Variants in ZAR1L observed in about 807,000 individuals in gnomAD.
ZAR1L encodes zygote arrest 1 like.
ZAR1L carries 16 observed loss-of-function variants against 30.0 expected under a neutral mutation model. That is an observed-to-expected ratio of 0.53 (90% CI 0.36 to 0.81). ZAR1L has a LOEUF of 0.81. ZAR1L is among the 30% of genes least tolerant of loss of function. The pLI is 0.00. For missense variants in ZAR1L, 392 were observed against 417.2 expected (o/e 0.94, Z 0.53); for synonymous variants, 197 against 166.8 (o/e 1.18, Z -1.40).
intron 4 of ZAR1L, among the ~76,000 whole-genome samples, chr13:32,310,219 A>G (rs1271648685): frequency 6.6e-6 from 1 of 152,282 alleles, no homozygotes; most frequent in African/African-American, 2.4e-5. Flanking sequence ...AGGGGGCAAA[A>G]GAAACTTTAG....
At position 32,311,697 on chromosome 13, in the gene ZAR1L, G is replaced by A. The variant is rs2072215112; in HGVS notation, c.229C>T (p.Pro77Ser). The A allele has an allele frequency of 1.3e-6, 2 of 1,551,604 alleles. No homozygotes were observed. Among genetic ancestry groups the A allele is most frequent in the Non-Finnish European group, 1.7e-6 (2 of 1,147,028 alleles). ...TTGCACAGCCGCGGGCTCAGGCTGGGGTTCATCTGGGAGAGAATGGCCTTA... is the reference window on the plus strand; with the variant it reads ...TTGCACAGCCGCGGGCTCAGGCTGGAGTTCATCTGGGAGAGAATGGCCTTA... ...QLKAILSQMN[P>S]SLSPRLCKPN... The change falls in exon 3 of 6, where the codon CCC becomes TCC. Residue 77 changes from proline (P) to serine (S), a missense_variant. Pro to Ser is a moderately conservative substitution (Grantham distance 74). Transcript: ENST00000533490.
intron 1 of ZAR1L, among the ~76,000 whole-genome samples, 194 bp from the exon 2 acceptor site, chr13:32,314,744 C>T (rs1428058279): frequency 6.6e-6 from 1 of 152,006 alleles, no homozygotes; most frequent in Non-Finnish European, 1.5e-5. Flanking sequence ...CCCAGCTACT[C>T]GGGAGGCTGA....
At chr13:32,313,249 G>A (rs2072226946) in intron 2 of ZAR1L, among the ~76,000 whole-genome samples, 2 of 152,202 alleles carry the variant, frequency 1.3e-5, no homozygotes, top group African/African-American at 4.8e-5. Flanking sequence ...AGGTAATTAT[G>A]TGAACAGATG....
intron 3 of ZAR1L, 89 bp from the exon 4 acceptor site, chr13:32,310,820 T>C: frequency 1.2e-6 from 1 of 850,394 alleles, no homozygotes; most frequent in Admixed American, 2.3e-5. Flanking sequence ...GAAAAAAAAA[T>C]GACTTCTTTA....
rs57362189 is a variant in ZAR1L, at chr13:32,308,700, C to T, written c.808G>A (p.Ala270Thr). 6.4e-7 allele frequency: 1 copy of T among 1,550,816 alleles called. No homozygotes were observed. The highest frequency in any genetic ancestry group is 8.7e-7 in the Non-Finnish European group (1 of 1,146,532). The change falls in exon 5 of 6, where the codon GCA becomes ACA. Residue 270 changes from alanine (A) to threonine (T), a missense_variant. By Grantham distance (58) the Ala-to-Thr change is moderately conservative. Transcript: ENST00000533490. ...QKSFNPYRVE[A>T]IQCQTCSKSH... ...CATATGCTCACCTGACATTGGATTG[C>T]TTCTACTCGATAAGGGTTAAAACTC...
At chr13:32,304,067 G>A in intron 5 of ZAR1L, 45 bp from the exon 6 acceptor site, 1 of 1,529,004 alleles carries the variant, frequency 6.5e-7, no homozygotes, top group Non-Finnish European at 8.8e-7. Context: ...GATCAGTTTA[G>A]TGTTTCAAAT....
At chr13:32,310,247 T>C (rs1193480847) in intron 4 of ZAR1L, among the ~76,000 whole-genome samples, 2 of 152,242 alleles carry the variant, frequency 1.3e-5, no homozygotes, top group African/African-American at 2.4e-5. Flanking sequence ...CTAAGTCTCT[T>C]ACAGGCAAAT....
At position 32,308,774 on chromosome 13, in the gene ZAR1L, TG is replaced by T. The variant is rs967212921; in HGVS notation, c.748-15del. ...TTTGAAATAAACCTAAAGAGAAATA[TG>T]TTTTTTTTTAATACAAGCTTTTATA... On this transcript the variant is annotated splice_polypyrimidine_tract_variant and intron_variant, in intron 4 of 5. Coordinates refer to ENST00000533490, the MANE Select transcript of ZAR1L (RefSeq NM_001136571.2). 1.7e-5 allele frequency: 25 copies of T among 1,498,766 alleles called. No homozygotes were observed. In the African/African-American group the frequency reaches 3.2e-4, roughly 19 times the overall value. The allele number at this position is 1,498,766 out of a possible 1,614,324, so 92.8% of individuals were successfully genotyped here. A position where few individuals can be genotyped will look rare whatever the true frequency, so the allele number is the denominator to read the frequency against.
intron 3 of ZAR1L, 77 bp from the exon 4 acceptor site, chr13:32,310,808 AG>A (rs2072206887): frequency 1.4e-5 from 13 of 957,540 alleles, no homozygotes; most frequent in Non-Finnish European, 1.9e-5. Context: ...ACTTTGTATA[AG>A]GAAAAAAAAA....
chr13:32,309,948 G>C (rs542922498), intron 4 of ZAR1L, among the ~76,000 whole-genome samples: 95 of 152,320 alleles, frequency 6.2e-4, no homozygotes, highest in Non-Finnish European at 1.2e-3. Context: ...GGCCAGTAAG[G>C]CAATTTCTAA....
In ZAR1L at chr13:32,310,804, T is replaced by C. The variant is rs1393347072; in HGVS notation, c.655-73A>G. The C allele has an allele frequency of 5.1e-6, 5 of 979,126 alleles. No individual in the cohort carries two copies. The East Asian group carries it at 1.3e-4, about 26-fold the overall frequency. 60.7% of individuals were successfully genotyped at this position (979,126 alleles called of 1,614,324 possible). A position where few individuals can be genotyped will look rare whatever the true frequency, so the allele number is the denominator to read the frequency against. ...AGCCAGATCCTTCTTTATGACTTTGTATAAGGAAAAAAAAATGACTTCTTT... is the reference window on the plus strand; with the variant it reads ...AGCCAGATCCTTCTTTATGACTTTGCATAAGGAAAAAAAAATGACTTCTTT... On this transcript the variant is annotated intron_variant, in intron 3 of 5. Transcript: ENST00000533490.
chr13:32,310,806 T>C, intron 3 of ZAR1L, 75 bp from the exon 4 acceptor site: 1 of 965,694 alleles, frequency 1.0e-6, no homozygotes, highest in Non-Finnish European at 1.6e-6. Context: ...TGACTTTGTA[T>C]AAGGAAAAAA....
rs1259877597 is a variant in ZAR1L, at chr13:32,311,806, A to G, written c.120T>C (p.Pro40=). The stretch of plus-strand genomic sequence containing the variant: ...GCCCTGGCCTGGCCAGAAAAGTGGG[A>G]GGACCCATATTTTGCCTCCAGTCGG... ...KQPDWRQNMG[P]PTFLARPGLL... Residue 40 remains proline (P), a synonymous_variant, in exon 3 of 6, where the codon CCT becomes CCC. Coordinates refer to ENST00000533490, the MANE Select transcript of ZAR1L (RefSeq NM_001136571.2). The G allele has an allele frequency of 5.8e-6, 9 of 1,551,522 alleles. No homozygotes were observed. The highest frequency in any genetic ancestry group is 7.8e-6 in the Non-Finnish European group (9 of 1,147,014).
chr13:32,309,024 C>T (rs206105), intron 4 of ZAR1L, among the ~76,000 whole-genome samples: 56,291 of 146,808 alleles, frequency 0.38, 10,825 homozygotes, highest in East Asian at 0.5. Flanking sequence ...GAGTTTTGCT[C>T]TTGTAATCCA....
chr13:32,311,663 G>A lies in ZAR1L; in HGVS notation c.263C>T (p.Thr88Ile). The A allele has an allele frequency of 6.4e-7, 1 of 1,551,490 alleles. No individual in the cohort carries two copies. Among genetic ancestry groups the A allele is most frequent in the Non-Finnish European group, 8.7e-7 (1 of 1,146,998 alleles). ...GCTCACCTGCACGCCCACCTCCTTG[G>A]TGTTGGGCTTGCACAGCCGCGGGCT... ...SLSPRLCKPN[T>I]KEVGVQVSPR... The change falls in exon 3 of 6, where the codon ACC becomes ATC. Residue 88 changes from threonine (T) to isoleucine (I), a missense_variant. Physicochemically the swap from Thr to Ile is moderately conservative, Grantham distance 89. Transcript: ENST00000533490.
At position 32,311,444 on chromosome 13, in the gene ZAR1L, G is replaced by A; in HGVS notation, c.482C>T (p.Ala161Val). Residue 161 changes from alanine (A) to valine (V), a missense_variant, in exon 3 of 6, where the codon GCG (alanine) becomes GTG (valine). Ala to Val is a moderately conservative substitution (Grantham distance 64). Transcript: ENST00000533490. ...EAESKALPGP[A>V]EASQPQPPSR... Reference sequence around the variant, plus strand: ...TGGTGGCTGCGGCTGGCTGGCCTCCGCAGGGCCCGGGAGCGCCTTGCTCTC... The same window carrying A: ...TGGTGGCTGCGGCTGGCTGGCCTCCACAGGGCCCGGGAGCGCCTTGCTCTC... 1 of 1,547,910 alleles carries A rather than the reference G, an allele frequency of 6.5e-7. No individual in the cohort carries two copies.
chr13:32,312,124 A>G (rs1199036547), intron 2 of ZAR1L, 31 bp from the exon 3 acceptor site: 3 of 618,682 alleles, frequency 4.8e-6, no homozygotes, highest in Admixed American at 3.5e-5. Context: ...CTATCTACAG[A>G]TGTCTAATTG....
chr13:32,311,705 T>G lies in ZAR1L; in HGVS notation c.221A>C (p.Gln74Pro). The change falls in exon 3 of 6, where the codon CAG (glutamine) becomes CCG (proline). Residue 74 changes from glutamine to proline, a missense_variant. By Grantham distance (76) the Gln-to-Pro change is moderately conservative. Coordinates refer to ENST00000533490, the MANE Select transcript of ZAR1L (RefSeq NM_001136571.2). ...CCGCGGGCTCAGGCTGGGGTTCATC[T>G]GGGAGAGAATGGCCTTAAGCTGCGC... ...KRAQLKAILS[Q>P]MNPSLSPRLC... The G allele has an allele frequency of 1.9e-6, 3 of 1,551,618 alleles. No homozygotes were observed. The highest frequency in any genetic ancestry group is 2.6e-6 in the Non-Finnish European group (3 of 1,147,002).
Position 32,311,455 on chromosome 13 carries a change from G to A in ZAR1L, c.471C>T (p.Leu157=), listed in dbSNP as rs1338412647. The change falls in exon 3 of 6, where the codon CTC becomes CTT. Residue 157 remains leucine, a synonymous_variant. Coordinates refer to ENST00000533490, the MANE Select transcript of ZAR1L (RefSeq NM_001136571.2). ...RDGDEAESKA[L]PGPAEASQPQ... Reference sequence around the variant, plus strand: ...GCTGGCTGGCCTCCGCAGGGCCCGGGAGCGCCTTGCTCTCCGCTTCGTCCC... The same window carrying A: ...GCTGGCTGGCCTCCGCAGGGCCCGGAAGCGCCTTGCTCTCCGCTTCGTCCC... 1 of 1,547,314 alleles carries A rather than the reference G, an allele frequency of 6.5e-7. No individual in the cohort carries two copies. Among genetic ancestry groups the A allele is most frequent in the South Asian group, 1.2e-5 (1 of 84,032 alleles).
Sources: allele counts gnomAD v4.1 joint callset (sites outside exome capture counted in the v4.1 genomes callset), GRCh38; gene constraint gnomAD v4.1.1; transcripts MANE v1.5; gene names NCBI Gene and HGNC (gene_info 2026-07-23, HGNC 2026-07-21).